Variants in DYNC1I1 observed in about 807,000 individuals in gnomAD.
DYNC1I1 encodes cytoplasmic dynein 1 intermediate chain 1.
In DYNC1I1, 43 loss-of-function variants were observed where a neutral mutation model predicts 86.6. The ratio of observed to expected loss-of-function variants is 0.50; its 90% CI spans 0.39 to 0.64. The LOEUF (loss-of-function observed/expected upper bound fraction) is 0.64, where lower values mean the gene tolerates loss of function less well. Ranked by LOEUF, DYNC1I1 falls within the 30% of genes least tolerant of loss-of-function variation. DYNC1I1 has a pLI of 0.00. For synonymous variants in DYNC1I1, 262 were observed against 283.7 expected (o/e 0.92, Z 0.77); for missense variants, 604 against 788.8 (o/e 0.77, Z 2.81).
chr7:95,808,296 C>G (rs1441228031), intron 2 of DYNC1I1, among the ~76,000 whole-genome samples: 5 of 152,058 alleles, frequency 3.3e-5, no homozygotes, highest in African/African-American at 1.2e-4. Flanking sequence ...AAGAAATGCT[C>G]TTTAATACTA....
At chr7:95,987,276 C>T in intron 9 of DYNC1I1, 121 bp downstream of exon 9, 1 of 843,718 alleles carries the variant, frequency 1.2e-6, no homozygotes, top group Non-Finnish European at 1.9e-6. Flanking sequence ...GTTTTTTTCC[C>T]CTCATTTTAT....
chr7:95,896,491 AGT>A (rs1790886107), intron 6 of DYNC1I1, among the ~76,000 whole-genome samples: 2 of 152,304 alleles, frequency 1.3e-5, no homozygotes, highest in African/African-American at 4.8e-5. Flanking sequence ...CAACTTTATG[AGT>A]TAAGTATTAT....
At chr7:96,036,373 T>C (rs1222121586) in intron 13 of DYNC1I1, among the ~76,000 whole-genome samples, 1 of 152,198 alleles carries the variant, frequency 6.6e-6, no homozygotes, top group African/African-American at 2.4e-5. Context: ...AGAGTTCATA[T>C]TCTAGTTGAG....
At chr7:95,850,302 T>C (rs967332201) in intron 5 of DYNC1I1, among the ~76,000 whole-genome samples, 1 of 152,198 alleles carries the variant, frequency 6.6e-6, no homozygotes, top group African/African-American at 2.4e-5. Context: ...AAGGAAAAGC[T>C]TCCAACTTTT....
intron 6 of DYNC1I1, among the ~76,000 whole-genome samples, chr7:95,915,268 C>T (rs1791440945): frequency 6.6e-6 from 1 of 152,144 alleles, no homozygotes; most frequent in Non-Finnish European, 1.5e-5. Context: ...TTATTATCTC[C>T]AGTACAACCC....
chr7:95,970,667 T>C (rs904614080), intron 6 of DYNC1I1, among the ~76,000 whole-genome samples: 1 of 152,312 alleles, frequency 6.6e-6, no homozygotes, highest in East Asian at 1.9e-4. Context: ...CTACGTGATG[T>C]AGTACCATTA....
At chr7:95,975,265 C>T (rs1730219815) in intron 6 of DYNC1I1, among the ~76,000 whole-genome samples, 1 of 152,134 alleles carries the variant, frequency 6.6e-6, no homozygotes, top group Non-Finnish European at 1.5e-5. Context: ...TAACAAAATA[C>T]CACAAACTGG....
At chr7:95,792,950 G>A (rs1794342805) in intron 1 of DYNC1I1, among the ~76,000 whole-genome samples, 1 of 152,128 alleles carries the variant, frequency 6.6e-6, no homozygotes, top group Non-Finnish European at 1.5e-5. Context: ...AGGATATATG[G>A]ATGGAGAGGT....
At chr7:95,824,238 C>T (rs1795155567) in intron 4 of DYNC1I1, among the ~76,000 whole-genome samples, 1 of 151,852 alleles carries the variant, frequency 6.6e-6, no homozygotes, top group South Asian at 2.1e-4. Flanking sequence ...AGCAATCTGC[C>T]TGCCTTGGCC....
chr7:96,056,924 A>C (rs578106697), intron 14 of DYNC1I1, among the ~76,000 whole-genome samples: 61 of 152,300 alleles, frequency 4.0e-4, no homozygotes, highest in African/African-American at 1.4e-3. Flanking sequence ...AGTAGTCCTG[A>C]AAAACATAAC....
intron 14 of DYNC1I1, among the ~76,000 whole-genome samples, chr7:96,039,820 A>ATT (rs1788980594): frequency 6.6e-6 from 1 of 151,634 alleles, no homozygotes; most frequent in South Asian, 2.1e-4. Flanking sequence ...ATATGTACCT[A>ATT]TGGAAATATA....
At chr7:95,941,032 T>C (rs1180379156) in intron 6 of DYNC1I1, among the ~76,000 whole-genome samples, 2 of 152,242 alleles carry the variant, frequency 1.3e-5, no homozygotes, top group Non-Finnish European at 1.5e-5. Context: ...GACCCTCAGC[T>C]ACAGGTCTGT....
At chr7:96,095,117 G>T (rs374912693) in intron 16 of DYNC1I1, among the ~76,000 whole-genome samples, 5 of 152,062 alleles carry the variant, frequency 3.3e-5, no homozygotes, top group South Asian at 2.1e-4. Context: ...TAGTTCACTC[G>T]CTGGCTTATG....
chr7:96,061,008 G>C (rs1300138575), intron 14 of DYNC1I1, among the ~76,000 whole-genome samples: 4 of 152,146 alleles, frequency 2.6e-5, no homozygotes, highest in African/African-American at 9.7e-5. Flanking sequence ...GTTTGAGAGG[G>C]GATTGTGGGG....
chr7:95,927,273 A>T (rs972477579), intron 6 of DYNC1I1, among the ~76,000 whole-genome samples: 4 of 152,170 alleles, frequency 2.6e-5, no homozygotes, highest in African/African-American at 9.7e-5. Flanking sequence ...CATCCAACAG[A>T]TACTTACCTG....
At chr7:96,073,300 C>T (rs1790223594) in intron 14 of DYNC1I1, among the ~76,000 whole-genome samples, 1 of 152,048 alleles carries the variant, frequency 6.6e-6, no homozygotes, top group Non-Finnish European at 1.5e-5. Context: ...GCATTTCAAT[C>T]AATACTATTA....
chr7:95,859,776 C>A (rs1449269969), intron 5 of DYNC1I1, among the ~76,000 whole-genome samples: 2 of 152,152 alleles, frequency 1.3e-5, no homozygotes, highest in East Asian at 3.9e-4. Context: ...GGTGCTGGGG[C>A]AGGTCTGTAG....
At chr7:95,972,732 G>A (rs1046524306) in intron 6 of DYNC1I1, among the ~76,000 whole-genome samples, 1 of 152,208 alleles carries the variant, frequency 6.6e-6, no homozygotes, top group African/African-American at 2.4e-5. Context: ...CAGAGCCATG[G>A]ACTAGTGGAG....
At chr7:95,936,014 C>G (rs887848647) in intron 6 of DYNC1I1, among the ~76,000 whole-genome samples, 1 of 152,058 alleles carries the variant, frequency 6.6e-6, no homozygotes, top group East Asian at 1.9e-4. Context: ...TACAGTAACA[C>G]AGATAATTTC....
Sources: allele counts gnomAD v4.1 joint callset (sites outside exome capture counted in the v4.1 genomes callset), GRCh38; gene constraint gnomAD v4.1.1; transcripts MANE v1.5; gene names NCBI Gene and HGNC (gene_info 2026-07-23, HGNC 2026-07-21).